Variants in CUX2 observed in about 807,000 individuals in gnomAD.
The protein encoded by CUX2 is cut like homeobox 2.
Under a neutral mutation model 144.8 loss-of-function variants are expected in CUX2, and 40 were observed. That is an observed-to-expected ratio of 0.28 (90% CI 0.21 to 0.36). The LOEUF (loss-of-function observed/expected upper bound fraction) is 0.36. Among genes scored for constraint, CUX2 ranks in the 10% least tolerant of loss-of-function variants. The probability of loss-of-function intolerance (pLI) is 1.00; values close to 1 mark genes in which losing one functional copy is unlikely to be tolerated. For synonymous variants in CUX2, 827 were observed against 875.6 expected, an observed-to-expected ratio of 0.94 and a Z score of 0.98; for missense variants, 1,615 against 1,994.0, an observed-to-expected ratio of 0.81 and a Z score of 3.62.
Position 111,312,835 on chromosome 12 carries a change from C to T in CUX2, c.2002+634C>T, listed in dbSNP as rs1266386939. On this transcript the variant is annotated intron_variant, in intron 16 of 21. Transcript: ENST00000261726. This position sits in a 1 kb window ranked among gnomAD's most constrained non-coding sequence, Gnocchi z 4.3. The stretch of plus-strand genomic sequence containing the variant: ...TGCACTCCACCCTGCGCCTCTGATG[C>T]TGTCCTTACCCCAGACACCTTTCAC... Among the ~76,000 whole-genome samples the T allele has an allele frequency of 2.6e-5, 4 of 152,208 alleles. No homozygotes were observed. Among genetic ancestry groups the T allele is most frequent in the African/African-American group, 9.6e-5 (4 of 41,458 alleles).
At position 111,061,486 on chromosome 12, in the gene CUX2, T is replaced by C. The variant is rs1312866738; in HGVS notation, c.63+27246T>C. Among the ~76,000 whole-genome samples, 1 of 152,132 alleles carries C rather than the reference T, an allele frequency of 6.6e-6. No homozygotes were observed. Among genetic ancestry groups the C allele is most frequent in the Non-Finnish European group, 1.5e-5 (1 of 68,012 alleles). ...ATTATGGAAGACAAAGTCGCCCCAT[T>C]ATCGGAGGGCTTTACAAATAGAGAA... is the stretch of plus-strand genomic sequence containing the variant. On this transcript the variant is annotated intron_variant, in intron 1 of 21. Coordinates refer to ENST00000261726, the MANE Select transcript of CUX2 (RefSeq NM_015267.4). The surrounding 1 kb of genome is among the most constrained non-coding windows in gnomAD (Gnocchi z 4.2).
intron 1 of CUX2, among the ~76,000 whole-genome samples, chr12:111,211,545 G>C (rs781411893): frequency 3.3e-5 from 5 of 152,174 alleles, no homozygotes; most frequent in African/African-American, 4.8e-5. Flanking sequence ...CAGGTATATT[G>C]GTTGCTGCAT....
chr12:111,096,748 C>T (rs1194253522), intron 1 of CUX2, among the ~76,000 whole-genome samples: 2 of 152,140 alleles, frequency 1.3e-5, no homozygotes, highest in Non-Finnish European at 2.9e-5. Context: ...GAGGCCGAGG[C>T]AGGTGGATCA....
intron 1 of CUX2, among the ~76,000 whole-genome samples, chr12:111,127,808 C>T (rs530179809): frequency 2.6e-5 from 4 of 152,076 alleles, no homozygotes; most frequent in African/African-American, 4.8e-5. Context: ...TGGCAGAAGG[C>T]GAAGGGGGAG....
chr12:111,134,614 C>CTGTGTGTGTGTGTGTGTGTGTG (rs1159711656), intron 1 of CUX2, among the ~76,000 whole-genome samples: 77 of 144,240 alleles, frequency 5.3e-4, no homozygotes, highest in Middle Eastern at 6.9e-3. Context: ...CTCTCTCTCT[C>CTGTGTGTGTGTGTGTGTGTGTG]TCTCTCTGTG....
chr12:111,142,639 C>T (rs1252637400), intron 1 of CUX2, among the ~76,000 whole-genome samples: 3 of 151,820 alleles, frequency 2.0e-5, no homozygotes, highest in South Asian at 2.1e-4. Flanking sequence ...AAGTGCTTAT[C>T]GGTTCCTTTT....
At chr12:111,330,311 G>A (rs1888030580) in intron 18 of CUX2, among the ~76,000 whole-genome samples, 1 of 152,072 alleles carries the variant, frequency 6.6e-6, no homozygotes, top group African/African-American at 2.4e-5. Context: ...CCAGGCTCTG[G>A]GGACTCACCT....
intron 1 of CUX2, among the ~76,000 whole-genome samples, chr12:111,071,715 G>A (rs1440032400): frequency 6.6e-6 from 1 of 152,082 alleles, no homozygotes; most frequent in Non-Finnish European, 1.5e-5. Context: ...TTATCTTCTG[G>A]GAGTTTTATA....
Position 111,312,275 on chromosome 12 carries a change from C to T in CUX2, c.2002+74C>T. The T allele has an allele frequency of 7.6e-7, 1 of 1,319,656 alleles. No homozygotes were observed. The highest frequency in any genetic ancestry group is 1.1e-6 in the Non-Finnish European group (1 of 946,696). The allele number at this position is 1,319,656 out of a possible 1,614,324, so 81.7% of individuals were successfully genotyped here. A position where few individuals can be genotyped will look rare whatever the true frequency, so the allele number is the denominator to read the frequency against. Reference sequence around the variant, plus strand: ...CGAACAGGAGATGAGGCTTCGTCTACCTTTGTCCACCCCAGAGGGAATCCA... The same window carrying T: ...CGAACAGGAGATGAGGCTTCGTCTATCTTTGTCCACCCCAGAGGGAATCCA... On this transcript the variant is annotated intron_variant, in intron 16 of 21. Coordinates refer to ENST00000261726, the MANE Select transcript of CUX2 (RefSeq NM_015267.4). The surrounding 1 kb of genome is among the most constrained non-coding windows in gnomAD (Gnocchi z 4.3).
intron 4 of CUX2, among the ~76,000 whole-genome samples, chr12:111,266,898 A>G (rs1884415508): frequency 6.6e-6 from 1 of 152,224 alleles, no homozygotes; most frequent in Non-Finnish European, 1.5e-5. Context: ...CAAGCTGGTT[A>G]GAAATGCAGA....
chr12:111,219,123 A>G (rs1465819416), intron 3 of CUX2, among the ~76,000 whole-genome samples: 1 of 152,182 alleles, frequency 6.6e-6, no homozygotes, highest in Non-Finnish European at 1.5e-5. Context: ...ACATTACTTT[A>G]AATCTGTCTC....
intron 18 of CUX2, among the ~76,000 whole-genome samples, chr12:111,328,451 T>G (rs1188007567): frequency 6.6e-6 from 1 of 152,172 alleles, no homozygotes; most frequent in Non-Finnish European, 1.5e-5. Flanking sequence ...GCATCAGTAT[T>G]CCAGACCCTT....
chr12:111,185,212 G>T (rs1166985367), intron 1 of CUX2, among the ~76,000 whole-genome samples: 1 of 152,246 alleles, frequency 6.6e-6, no homozygotes, highest in African/African-American at 2.4e-5. Context: ...GGAGGAAGAA[G>T]ACTTTGATGT....
chr12:111,094,884 G>A (rs1000454602), intron 1 of CUX2, among the ~76,000 whole-genome samples: 1 of 152,180 alleles, frequency 6.6e-6, no homozygotes, highest in African/African-American at 2.4e-5. Flanking sequence ...GTTTTGTGCA[G>A]CCTGGAGGCT....
In CUX2 at chr12:111,071,371, A is replaced by T. The variant is rs145138938; in HGVS notation, c.63+37131A>T. 5.6e-3 allele frequency among the ~76,000 whole-genome samples: 857 copies of T among 152,326 alleles called. 11 individuals carry two copies. Among genetic ancestry groups the T allele is most frequent in the African/African-American group, 0.019 (809 of 41,560 alleles). On this transcript the variant is annotated intron_variant, in intron 1 of 21. Coordinates refer to ENST00000261726, the MANE Select transcript of CUX2 (RefSeq NM_015267.4). ...TTTTAATTTGCATTTTCCTGATGAT[A>T]TACGACTTGGAGCATCTTTTCATAT...
intron 1 of CUX2, among the ~76,000 whole-genome samples, chr12:111,076,222 A>G (rs994669765): frequency 6.6e-6 from 1 of 152,232 alleles, no homozygotes; most frequent in Non-Finnish European, 1.5e-5. Context: ...TGTGCAGTTG[A>G]GGAGGATGCT....
At chr12:111,157,502 G>A (rs1375403210) in intron 1 of CUX2, among the ~76,000 whole-genome samples, 2 of 152,140 alleles carry the variant, frequency 1.3e-5, no homozygotes, top group African/African-American at 4.8e-5. Flanking sequence ...ACTCTAGGTT[G>A]TGTATAGAGA....
At chr12:111,199,947 A>T (rs1446304793) in intron 1 of CUX2, among the ~76,000 whole-genome samples, 1 of 150,816 alleles carries the variant, frequency 6.6e-6, no homozygotes, top group East Asian at 1.9e-4. Flanking sequence ...TTTCTACAGC[A>T]CTCTGTTTGC....
chr12:111,212,293 C>T (rs1405917750), intron 1 of CUX2, among the ~76,000 whole-genome samples: 3 of 152,304 alleles, frequency 2.0e-5, no homozygotes, highest in South Asian at 2.1e-4. Flanking sequence ...TGATAAAAAC[C>T]GGGCTTTTAA....
Sources: gnomAD v4.1 joint callset for allele counts (sites outside exome capture counted in the v4.1 genomes callset) on GRCh38, gnomAD v4.1.1 for gene constraint, Gnocchi (gnomAD v3.1) non-coding constraint, MANE v1.5 for transcripts, NCBI Gene and HGNC (gene_info 2026-07-23, HGNC 2026-07-21) for gene names.